Variants in CDHR2 observed in about 807,000 individuals in gnomAD.
CDHR2 encodes the protein cadherin related family member 2, also known as cadherin-related family member 2.
CDHR2 carries 104 observed loss-of-function variants against 138.6 expected under a neutral mutation model. That is an observed-to-expected ratio of 0.75 (90% CI 0.64 to 0.88). The LOEUF is 0.88. CDHR2 is among the 40% of genes least tolerant of loss of function. The pLI, the probability that CDHR2 is intolerant of heterozygous loss-of-function variation, is 0.00. For missense variants in CDHR2, 1,624 were observed against 1,727.6 expected (o/e 0.94, Z 1.06); for synonymous variants, 755 against 742.8 (o/e 1.02, Z -0.27).
At chr5:176,580,659 GAGGTTA>G (rs1337940168) in intron 16 of CDHR2, among the ~76,000 whole-genome samples, 2 of 152,036 alleles carry the variant, frequency 1.3e-5, no homozygotes, top group African/African-American at 4.8e-5. Flanking sequence ...TGGATCACCT[GAGGTTA>G]GGAGTTCAAG....
chr5:176,588,081 CT>C (rs1758710314), intron 21 of CDHR2, among the ~76,000 whole-genome samples: 1 of 152,274 alleles, frequency 6.6e-6, no homozygotes, highest in South Asian at 2.1e-4. Context: ...AATAAAAATG[CT>C]TGTGTCCCCT....
Position 176,595,810 on chromosome 5 carries a change from A to T in CDHR2, c.*138A>T. 1 of 848,426 alleles carries T rather than the reference A, an allele frequency of 1.2e-6. No homozygotes were observed. The highest frequency in any genetic ancestry group is 2.3e-5 in the South Asian group (1 of 42,898). The allele number at this position is 848,426 out of a possible 1,614,324, so 52.6% of individuals were successfully genotyped here. ...ATCACGGCAGACAGGGGTTGGGGAA[A>T]TATTTTATTACCAATGTATACTGTG... On this transcript the variant is annotated 3_prime_UTR_variant, in exon 32 of 32. Transcript: ENST00000261944.
At chr5:176,557,560 A>ATT (rs5873538) in intron 1 of CDHR2, among the ~76,000 whole-genome samples, 2,967 of 87,224 alleles carry the variant, frequency 0.034, 127 homozygotes, top group African/African-American at 0.075. Context: ...ACCTTCTTAG[A>ATT]TTTTTTTTTT....
rs565898696 is a variant in CDHR2, at chr5:176,591,125, C to T, written c.3540-85C>T. On this transcript the variant is annotated intron_variant, in intron 28 of 31. Coordinates refer to ENST00000261944, the MANE Select transcript of CDHR2 (RefSeq NM_017675.6). ...AGAGCTAACACTCACCTCCCGGGAT[C>T]TTGTGAAGCCACAGGCTCAGGGCCT... The T allele has an allele frequency of 2.8e-4, 252 of 894,198 alleles. 1 individual carries two copies. The highest frequency in any genetic ancestry group is 3.1e-5 in the Non-Finnish European group (17 of 547,638). 55.4% of individuals were successfully genotyped at this position (894,198 alleles called of 1,614,324 possible). A position where few individuals can be genotyped will look rare whatever the true frequency, so the allele number is the denominator to read the frequency against.
At chr5:176,565,617 AGGGATCGGGTTTTG>A (rs1758060398) in intron 2 of CDHR2, 41 bp from the exon 3 acceptor site, 25 of 1,498,702 alleles carry the variant, frequency 1.7e-5, no homozygotes, top group Middle Eastern at 1.7e-4. Flanking sequence ...GGGAGCAGGT[AGGGATCGGGTTTTG>A]CAGGGGTGTC....
intron 17 of CDHR2, among the ~76,000 whole-genome samples, chr5:176,582,302 G>A (rs1581145674): frequency 6.6e-6 from 1 of 152,178 alleles, no homozygotes; most frequent in Middle Eastern, 3.4e-3. Context: ...CTAAAGATGC[G>A]TGCCACCATG....
In CDHR2 at chr5:176,571,314, C is replaced by T; in HGVS notation, c.405+12C>T. ...CCAGCATCAACGAGGTGACACCTGC[C>T]TTAATGTGGTTGTGGGGCAGGGGGC... On this transcript the variant is annotated intron_variant, in intron 6 of 31. Coordinates refer to ENST00000261944, the MANE Select transcript of CDHR2 (RefSeq NM_017675.6). 6.3e-7 allele frequency: 1 copy of T among 1,593,532 alleles called. No homozygotes were observed. The highest frequency in any genetic ancestry group is 8.6e-7 in the Non-Finnish European group (1 of 1,168,268).
intron 17 of CDHR2, among the ~76,000 whole-genome samples, chr5:176,582,201 G>T (rs542669703): frequency 2.0e-5 from 3 of 151,780 alleles, no homozygotes; most frequent in African/African-American, 7.3e-5. Flanking sequence ...TTTTATTTTT[G>T]TAGAGATGGG....
intron 27 of CDHR2, 33 bp from the exon 28 acceptor site, chr5:176,590,530 G>A (rs576127649): frequency 2.9e-5 from 46 of 1,613,990 alleles, no homozygotes; most frequent in South Asian, 9.9e-5. Flanking sequence ...TGCTGAAGAC[G>A]AGTGTGCTTC....
chr5:176,567,064 AC>A lies in CDHR2; in HGVS notation c.124+1325del, dbSNP rs369631797. The A allele has an allele frequency of 7.6e-4, 346 of 455,208 alleles. 2 individuals are homozygous for A. The highest frequency in any genetic ancestry group is 6.7e-3 in the African/African-American group (335 of 50,072). 28.2% of individuals were successfully genotyped at this position (455,208 alleles called of 1,614,324 possible). On this transcript the variant is annotated intron_variant, in intron 3 of 31. Coordinates refer to ENST00000261944, the MANE Select transcript of CDHR2 (RefSeq NM_017675.6). Reference sequence around the variant, plus strand: ...CTGATCAAGAGAAAGTATTTCCATCACCCCAGAAAGTTCCCTGTGTCCAGTT... The same window carrying A: ...CTGATCAAGAGAAAGTATTTCCATCACCCAGAAAGTTCCCTGTGTCCAGTT...
At position 176,575,205 on chromosome 5, in the gene CDHR2, C is replaced by A. The variant is rs1228672213; in HGVS notation, c.617C>A (p.Ala206Asp). 1 of 1,614,198 alleles carries A rather than the reference C, an allele frequency of 6.2e-7. No homozygotes were observed. Among genetic ancestry groups the A allele is most frequent in the Admixed American group, 1.7e-5 (1 of 60,034 alleles). Residue 206 changes from alanine to aspartate, a missense_variant, in exon 8 of 32, where the codon GCC becomes GAC. Transcript: ENST00000261944. ...KSAFYQLELKACDLGGMYHNT... is the reference protein window; with the variant it reads ...KSAFYQLELKDCDLGGMYHNT... ...GCTTTCTACCAGCTGGAGCTGAAGG[C>A]CTGTGTGAGTGGGGGTGCCGGCAGG...
intron 5 of CDHR2, among the ~76,000 whole-genome samples, chr5:176,569,417 G>A (rs10058066): frequency 0.058 from 8,725 of 151,640 alleles, 853 homozygotes; most frequent in African/African-American, 0.2. Context: ...CCGAGTAGCT[G>A]GGACTACAGG....
intron 6 of CDHR2, among the ~76,000 whole-genome samples, chr5:176,573,774 G>A (rs1758289322): frequency 1.3e-5 from 2 of 152,208 alleles, no homozygotes; most frequent in African/African-American, 4.8e-5. Flanking sequence ...GAGCACATGG[G>A]ATGTCTGAGT....
intron 16 of CDHR2, among the ~76,000 whole-genome samples, chr5:176,580,437 G>A (rs1300409805): frequency 6.7e-6 from 1 of 148,664 alleles, no homozygotes; most frequent in Non-Finnish European, 1.5e-5. Flanking sequence ...GCTGAGGCAG[G>A]AGAATCACTT....
intron 1 of CDHR2, among the ~76,000 whole-genome samples, chr5:176,549,767 A>C (rs1757663814): frequency 6.6e-6 from 1 of 152,146 alleles, no homozygotes; most frequent in African/African-American, 2.4e-5. Flanking sequence ...AGGACGGGGA[A>C]GCTGACCTGG....
intron 28 of CDHR2, 22 bp downstream of exon 28, chr5:176,590,709 T>G: frequency 1.2e-6 from 2 of 1,612,278 alleles, no homozygotes; most frequent in Non-Finnish European, 8.5e-7. Flanking sequence ...ATTGCCCCCG[T>G]GTCTCCAACC....
At chr5:176,572,065 G>A (rs1221252276) in intron 6 of CDHR2, among the ~76,000 whole-genome samples, 8 of 151,986 alleles carry the variant, frequency 5.3e-5, no homozygotes, top group Non-Finnish European at 1.2e-4. Context: ...TGGGGGAAGA[G>A]AGGCAAGTCT....
At chr5:176,550,123 C>G (rs1381153466) in intron 1 of CDHR2, among the ~76,000 whole-genome samples, 1 of 152,210 alleles carries the variant, frequency 6.6e-6, no homozygotes, top group African/African-American at 2.4e-5. Context: ...GGTTGGGCAC[C>G]AGGCACAAGG....
chr5:176,584,071 T>C (rs1220691005), intron 17 of CDHR2, 119 bp from the exon 18 acceptor site: 1 of 821,536 alleles, frequency 1.2e-6, no homozygotes, highest in East Asian at 2.6e-5. Flanking sequence ...AAGTGGGCAG[T>C]GAGGTCTGAG....
Sources: gnomAD v4.1 joint callset for allele counts (sites outside exome capture counted in the v4.1 genomes callset) on GRCh38, gnomAD v4.1.1 for gene constraint, MANE v1.5 for transcripts, NCBI Gene and HGNC (gene_info 2026-07-23, HGNC 2026-07-21) for gene names.